The following TOGARAM2 variants were observed in gnomAD, a reference collection of about 807,000 sequenced individuals.
TOGARAM2 encodes the protein TOG array regulator of axonemal microtubules protein 2.
In TOGARAM2, 85 loss-of-function variants were observed where a neutral mutation model predicts 93.3. That is an observed-to-expected ratio of 0.91 (90% CI 0.76 to 1.09). The LOEUF (loss-of-function observed/expected upper bound fraction) is 1.09. Ranked by LOEUF, TOGARAM2 falls within the 50% of genes least tolerant of loss-of-function variation. TOGARAM2 has a pLI of 0.00. For missense variants in TOGARAM2, 1,277 were observed against 1,334.5 expected (o/e 0.96, Z 0.67); for synonymous variants, 593 against 552.8 (o/e 1.07, Z -1.02).
chr2:28,993,420 C>T (rs965815448), intron 1 of TOGARAM2, among the ~76,000 whole-genome samples: 1 of 152,192 alleles, frequency 6.6e-6, no homozygotes, highest in Non-Finnish European at 1.5e-5. Flanking sequence ...GCTGCCTGGC[C>T]AATCTCTTGA....
chr2:29,020,908 T>G (rs551074112), intron 10 of TOGARAM2, among the ~76,000 whole-genome samples: 1 of 152,190 alleles, frequency 6.6e-6, no homozygotes, highest in Admixed American at 6.5e-5. Flanking sequence ...CCGCTTTTTT[T>G]GTTTGTTTGT....
chr2:29,001,274 A>G (rs1316371251), intron 4 of TOGARAM2, among the ~76,000 whole-genome samples: 1 of 152,122 alleles, frequency 6.6e-6, no homozygotes, highest in Non-Finnish European at 1.5e-5. Context: ...CAGAACCAGC[A>G]CCGGAAGCCA....
At chr2:28,974,127 C>CTTT (rs34500191) in intron 1 of TOGARAM2, among the ~76,000 whole-genome samples, 19,239 of 127,132 alleles carry the variant, frequency 0.15, 2,428 homozygotes, top group East Asian at 0.58. Flanking sequence ...ATAATATATC[C>CTTT]TTTTTTTTTT....
At chr2:28,965,601 C>T (rs1210342850) in intron 1 of TOGARAM2, among the ~76,000 whole-genome samples, 1 of 152,212 alleles carries the variant, frequency 6.6e-6, no homozygotes, top group African/African-American at 2.4e-5. Context: ...TGCTTCTCAG[C>T]AGCTCTTTGC....
At chr2:28,999,140 G>C in intron 3 of TOGARAM2, 41 bp from the exon 4 acceptor site, 1 of 1,558,952 alleles carries the variant, frequency 6.4e-7, no homozygotes, top group Non-Finnish European at 8.7e-7. Flanking sequence ...TGCCACCCTG[G>C]GTACTGCGTG....
intron 1 of TOGARAM2, among the ~76,000 whole-genome samples, chr2:28,990,767 A>G (rs1672680727): frequency 6.6e-6 from 1 of 152,032 alleles, no homozygotes. Flanking sequence ...TCTGCTTGGC[A>G]TTACAGACAG....
At chr2:29,005,135 ATG>A (rs1296700047) in intron 6 of TOGARAM2, among the ~76,000 whole-genome samples, 3 of 118,034 alleles carry the variant, frequency 2.5e-5, no homozygotes, top group African/African-American at 1.1e-4. Flanking sequence ...GTGCATGTGT[ATG>A]TGTGTGAGTG....
intron 18 of TOGARAM2, among the ~76,000 whole-genome samples, chr2:29,037,820 G>A (rs1032366693): frequency 2.0e-5 from 3 of 152,134 alleles, no homozygotes; most frequent in Non-Finnish European, 4.4e-5. Flanking sequence ...TCTAAATTAC[G>A]GCTTGTTCTC....
chr2:29,018,010 G>A (rs1295742929), intron 10 of TOGARAM2, 54 bp downstream of exon 10: 1 of 1,520,382 alleles, frequency 6.6e-7, no homozygotes, highest in Non-Finnish European at 8.8e-7. Context: ...GCTGCCTCAG[G>A]ATGCCCTGAG....
chr2:28,968,442 C>G (rs942158609), intron 1 of TOGARAM2, among the ~76,000 whole-genome samples: 1 of 152,072 alleles, frequency 6.6e-6, no homozygotes, highest in Non-Finnish European at 1.5e-5. Flanking sequence ...CTCCACTCCC[C>G]GCAGCGGAGG....
In TOGARAM2 at chr2:29,017,203, A is replaced by C. The variant is rs1664632671; in HGVS notation, c.1094A>C (p.Gln365Pro). The C allele has an allele frequency of 5.6e-6, 9 of 1,613,952 alleles. No homozygotes were observed. Among genetic ancestry groups the C allele is most frequent in the Non-Finnish European group, 7.6e-6 (9 of 1,179,868 alleles). Residue 365 changes from glutamine to proline, a missense_variant, in exon 9 of 20, where the codon CAG (glutamine) becomes CCG (proline). Transcript: ENST00000379558. ...GCCCGGGAGAAGATGCAGCTGAAGC[A>C]GATGAAGGAGATGGAGCTGCTTCGG... is the stretch of plus-strand genomic sequence containing the variant. The part of the protein sequence containing the change: ...KSAREKMQLK[Q>P]MKEMELLRRL...
chr2:28,960,029 G>A (rs2148212132), intron 1 of TOGARAM2, among the ~76,000 whole-genome samples: 1 of 152,306 alleles, frequency 6.6e-6, no homozygotes, highest in Admixed American at 6.5e-5. Flanking sequence ...AACACAGAGA[G>A]ATGTGTGTAT....
rs536762844 is a variant in TOGARAM2, at chr2:28,966,585, C to G, written c.-147+9888C>G. 5.4e-4 allele frequency among the ~76,000 whole-genome samples: 82 copies of G among 152,206 alleles called. 1 individual carries two copies. Among genetic ancestry groups the G allele is most frequent in the African/African-American group, 1.9e-3 (80 of 41,516 alleles). On this transcript the variant is annotated intron_variant, in intron 1 of 6. Coordinates refer to the TOGARAM2 transcript ENST00000401723. ...TGCTGGGATTACAGGTGTGAGCCAC[C>G]GTGCCTGGCCAAATTATTGTAATAA...
At chr2:28,968,836 A>G (rs1671905298) in intron 1 of TOGARAM2, among the ~76,000 whole-genome samples, 1 of 130,012 alleles carries the variant, frequency 7.7e-6, no homozygotes, top group Admixed American at 8.1e-5. Flanking sequence ...AAAAAAAAAA[A>G]AAAACAAGGA....
At chr2:29,006,055 GTGTGTA>G (rs1325772029) in intron 6 of TOGARAM2, among the ~76,000 whole-genome samples, 10 of 57,434 alleles carry the variant, frequency 1.7e-4, no homozygotes, top group East Asian at 3.8e-4. Flanking sequence ...TGTGGAGTGT[GTGTGTA>G]TGTGTATGTG....
chr2:29,025,154 A>G (rs1665268091), intron 13 of TOGARAM2, among the ~76,000 whole-genome samples: 1 of 152,120 alleles, frequency 6.6e-6, no homozygotes, highest in Non-Finnish European at 1.5e-5. Context: ...GCATACTGCA[A>G]AGGGTGAGAT....
chr2:28,986,109 T>G, intron 1 of TOGARAM2, among the ~76,000 whole-genome samples: 1 of 52,902 alleles, frequency 1.9e-5, no homozygotes. Flanking sequence ...TGAAACTGTG[T>G]CTCAAAAAAA....
chr2:29,045,495 A>G (rs750825485), intron 19 of TOGARAM2, 85 bp downstream of exon 19: 1 of 1,184,130 alleles, frequency 8.4e-7, no homozygotes. Context: ...TCACCCAGTT[A>G]TCTTAGACCT....
At position 29,037,167 on chromosome 2, in the gene TOGARAM2, C is replaced by T. The variant is rs114254939; in HGVS notation, c.2635+410C>T. On this transcript the variant is annotated intron_variant, in intron 18 of 19. Transcript: ENST00000379558. The stretch of plus-strand genomic sequence containing the variant: ...AGGGGAAAAAGGATAGAAGAAAAAA[C>T]GGTGGGAGCTATGGAAGAGCCATCA... 5.9e-3 allele frequency among the ~76,000 whole-genome samples: 904 copies of T among 152,108 alleles called. 12 individuals are homozygous for T. The highest frequency in any genetic ancestry group is 0.02 in the African/African-American group (838 of 41,482).
Sources: gnomAD v4.1 joint callset for allele counts (sites outside exome capture counted in the v4.1 genomes callset) on GRCh38, gnomAD v4.1.1 for gene constraint, MANE v1.5 for transcripts, NCBI Gene and HGNC (gene_info 2026-07-23, HGNC 2026-07-21) for gene names.